RSPO4: variants seen among roughly 807,000 people sequenced by gnomAD.
RSPO4 encodes the protein R-spondin-4.
RSPO4 carries 23 observed loss-of-function variants against 24.8 expected under a neutral mutation model. The ratio of observed to expected loss-of-function variants is 0.93; its 90% CI spans 0.67 to 1.31. The LOEUF (loss-of-function observed/expected upper bound fraction) is 1.31. Ranked by LOEUF, RSPO4 falls within the 40% of genes most tolerant of loss-of-function variation. The probability of loss-of-function intolerance (pLI) is 0.00; values close to 1 mark genes in which losing one functional copy is unlikely to be tolerated. For synonymous variants in RSPO4, 141 were observed against 127.4 expected (o/e 1.11, Z -0.72); for missense variants, 333 against 316.5 (o/e 1.05, Z -0.39).
intron 1 of RSPO4, among the ~76,000 whole-genome samples, chr20:979,005 C>T (rs996505795): frequency 6.6e-6 from 1 of 151,994 alleles, no homozygotes; most frequent in African/African-American, 2.4e-5. Flanking sequence ...ACCTGCTTCT[C>T]CTGTCCATTT....
rs1984723894 is a variant in RSPO4, at chr20:981,192, A to C, written c.80-13054T>G. On this transcript the variant is annotated intron_variant, in intron 1 of 4. Transcript: ENST00000217260. This position sits in a 1 kb window ranked among gnomAD's most constrained non-coding sequence, Gnocchi z 4.6. ...CACACTGCCTTACCCTGTTGGTCTG[A>C]TGATGAACGTGGAGCGGGAAAATGG... Among the ~76,000 whole-genome samples the C allele has an allele frequency of 6.6e-6, 1 of 152,196 alleles. No individual in the cohort carries two copies. Among genetic ancestry groups the C allele is most frequent in the African/African-American group, 2.4e-5 (1 of 41,462 alleles).
Position 967,978 on chromosome 20 carries a change from G to T in RSPO4, c.240C>A (p.Ile80=), listed in dbSNP as rs1162056287. The change falls in exon 2 of 5, where the codon ATC becomes ATA. Residue 80 remains isoleucine, a synonymous_variant. Coordinates refer to ENST00000217260, the MANE Select transcript of RSPO4 (RefSeq NM_001029871.4). ...TGCACCTGTTGACCTCCTGGCCGCG[G>T]ATGCCGAAGTACCCAGGGGGACAGT... The part of the protein sequence containing the change: ...LHDCPPGYFG[I]RGQEVNRCKK... The T allele has an allele frequency of 6.2e-7, 1 of 1,614,272 alleles. No individual in the cohort carries two copies. The highest frequency in any genetic ancestry group is 1.7e-5 in the Admixed American group (1 of 60,036).
In RSPO4 at chr20:969,172, C is replaced by T. The variant is rs1200403583; in HGVS notation, c.80-1034G>A. ...CTCTACAAAAAATACAAAAATTAGC[C>T]GGGTATGGTGGCACACACCTGTAGT... is the stretch of plus-strand genomic sequence containing the variant. On this transcript the variant is annotated intron_variant, in intron 1 of 4. Coordinates refer to ENST00000217260, the MANE Select transcript of RSPO4 (RefSeq NM_001029871.4). Among the ~76,000 whole-genome samples the T allele has an allele frequency of 4.6e-5, 7 of 152,296 alleles. No homozygotes were observed. In the East Asian group the frequency reaches 5.8e-4, roughly 13 times the overall value.
chr20:963,975 A>C lies in RSPO4; in HGVS notation c.555T>G (p.Ser185=), dbSNP rs1164798381. The change falls in exon 4 of 5, where the codon TCT becomes TCG. Residue 185 remains serine, a synonymous_variant. Coordinates refer to ENST00000217260, the MANE Select transcript of RSPO4 (RefSeq NM_001029871.4). Reference sequence around the variant, plus strand: ...TCTGGATGGGACATTTCCTTGACTCAGAAAGCACCTGGCAGGTGGCTGCCT... The same window carrying C: ...TCTGGATGGGACATTTCCTTGACTCCGAAAGCACCTGGCAGGTGGCTGCCT... ...HEEAATCQVL[S]ESRKCPIQRP... is the part of the protein sequence containing the mutation. 1 of 1,614,062 alleles carries C rather than the reference A, an allele frequency of 6.2e-7. No individual in the cohort carries two copies. Among genetic ancestry groups the C allele is most frequent in the Admixed American group, 1.7e-5 (1 of 60,026 alleles).
intron 2 of RSPO4, 135 bp downstream of exon 2, chr20:967,815 A>G: frequency 1.1e-6 from 1 of 923,360 alleles, no homozygotes; most frequent in Non-Finnish European, 1.8e-6. Context: ...GCCTGGACAC[A>G]GGCAGGTATC....
At position 960,124 on chromosome 20, in the gene RSPO4, G is replaced by A; in HGVS notation, c.*233C>T. On this transcript the variant is annotated 3_prime_UTR_variant, in exon 5 of 5. Transcript: ENST00000217260. ...AAGATAAGTGAGAAAGAAGAGGAAGGAAGGGAAGGAGGGAGGGAGAAAGGA... is the reference window on the plus strand; with the variant it reads ...AAGATAAGTGAGAAAGAAGAGGAAGAAAGGGAAGGAGGGAGGGAGAAAGGA... 1.7e-6 allele frequency: 1 copy of A among 580,814 alleles called. No individual in the cohort carries two copies. Among genetic ancestry groups the A allele is most frequent in the Non-Finnish European group, 3.1e-6 (1 of 326,050 alleles). 36.0% of individuals were successfully genotyped at this position (580,814 alleles called of 1,614,324 possible).
chr20:996,789 T>G (rs1176517925), intron 1 of RSPO4, among the ~76,000 whole-genome samples: 1 of 152,158 alleles, frequency 6.6e-6, no homozygotes, highest in East Asian at 1.9e-4. Flanking sequence ...GACGGGACTC[T>G]GGCCCAATCT....
chr20:1,002,123 G>T lies in RSPO4; in HGVS notation c.42C>A (p.Ala14=), dbSNP rs6086831. The change falls in exon 1 of 5, where the codon GCC becomes GCA. Residue 14 remains alanine (A), a synonymous_variant. Coordinates refer to ENST00000217260, the MANE Select transcript of RSPO4 (RefSeq NM_001029871.4). This position sits in a 1 kb window ranked among gnomAD's most constrained non-coding sequence, Gnocchi z 4.6. ...TTCGGTTCAGGGCGAGCATGTCCAC[G>T]GCGTGGGCGACGAGCAGGAGCAGGC... is the stretch of plus-strand genomic sequence containing the variant. ...PLCLLLLVAH[A]VDMLALNRRK... 1.3e-6 allele frequency: 2 copies of T among 1,565,710 alleles called. No individual in the cohort carries two copies. Among genetic ancestry groups the T allele is most frequent in the Non-Finnish European group, 1.7e-6 (2 of 1,155,018 alleles).
intron 1 of RSPO4, among the ~76,000 whole-genome samples, chr20:974,662 T>C (rs1315829166): frequency 6.6e-6 from 1 of 152,168 alleles, no homozygotes; most frequent in Non-Finnish European, 1.5e-5. Context: ...TCAATGGATG[T>C]GTGTGGAGAT....
At position 968,012 on chromosome 20, in the gene RSPO4, C is replaced by T. The variant is rs766465255; in HGVS notation, c.206G>A (p.Cys69Tyr). 3 of 1,614,254 alleles carry T rather than the reference C, an allele frequency of 1.9e-6. No homozygotes were observed. The highest frequency in any genetic ancestry group is 1.1e-5 in the South Asian group (1 of 91,086). Residue 69 changes from cysteine to tyrosine, a missense_variant, in exon 2 of 5, where the codon TGC becomes TAC. By Grantham distance (194) the Cys-to-Tyr change is radical (BLOSUM62 -2). Transcript: ENST00000217260. ...GTACCCAGGGGGACAGTCGTGCAGGCACTTGCCGTACTGGCGGATGCCTTC... is the reference window on the plus strand; with the variant it reads ...GTACCCAGGGGGACAGTCGTGCAGGTACTTGCCGTACTGGCGGATGCCTTC... ...RREGIRQYGK[C>Y]LHDCPPGYFG...
At chr20:962,482 C>G (rs1048421558) in intron 4 of RSPO4, among the ~76,000 whole-genome samples, 3 of 152,136 alleles carry the variant, frequency 2.0e-5, no homozygotes, top group African/African-American at 4.8e-5. Context: ...CAGCCATTCA[C>G]CCCCAGCTCT....
chr20:962,671 C>T (rs988039719), intron 4 of RSPO4, among the ~76,000 whole-genome samples: 2 of 152,156 alleles, frequency 1.3e-5, no homozygotes, highest in African/African-American at 2.4e-5. Context: ...CACTCCCAAC[C>T]CAAATAGCAC....
intron 4 of RSPO4, among the ~76,000 whole-genome samples, chr20:962,552 G>C (rs1393106840): frequency 6.6e-6 from 1 of 152,186 alleles, no homozygotes; most frequent in Non-Finnish European, 1.5e-5. Context: ...CCTCCTGTGT[G>C]AGTCCTGCTC....
At chr20:960,554 C>T (rs1045352878) in intron 4 of RSPO4, 88 bp from the exon 5 acceptor site, 55 of 912,544 alleles carry the variant, frequency 6.0e-5, no homozygotes, top group Middle Eastern at 4.2e-4. Context: ...ACAAGGGTGC[C>T]CCACCCACTC....
At chr20:963,243 C>T (rs1040787404) in intron 4 of RSPO4, among the ~76,000 whole-genome samples, 2 of 152,160 alleles carry the variant, frequency 1.3e-5, no homozygotes, top group African/African-American at 4.8e-5. Flanking sequence ...CACATCGTGC[C>T]CCACCCTCAC....
At chr20:967,700 A>G (rs1198572266) in intron 2 of RSPO4, among the ~76,000 whole-genome samples, 3 of 152,242 alleles carry the variant, frequency 2.0e-5, no homozygotes, top group East Asian at 1.9e-4. Flanking sequence ...GGTGAGTTAC[A>G]TGCCTAAGGC....
chr20:1,002,254 C>G lies in RSPO4; in HGVS notation c.-90G>C, dbSNP rs1333147256. On this transcript the variant is annotated 5_prime_UTR_variant, in exon 1 of 5. Transcript: ENST00000217260. The surrounding 1 kb of genome is among the most constrained non-coding windows in gnomAD (Gnocchi z 4.6). ...GGCGGCGGCACGGCGGGCGCGGGGGCTGCTGTGGGCGCGCCGGGCGCATCC... is the reference window on the plus strand; with the variant it reads ...GGCGGCGGCACGGCGGGCGCGGGGGGTGCTGTGGGCGCGCCGGGCGCATCC... 1.3e-6 allele frequency: 1 copy of G among 771,762 alleles called. No homozygotes were observed. The highest frequency in any genetic ancestry group is 1.7e-6 in the Non-Finnish European group (1 of 594,318). 47.8% of individuals were successfully genotyped at this position (771,762 alleles called of 1,614,324 possible). A position where few individuals can be genotyped will look rare whatever the true frequency, so the allele number is the denominator to read the frequency against.
Position 968,003 on chromosome 20 carries a change from T to C in RSPO4, c.215A>G (p.Asp72Gly). 6.2e-7 allele frequency: 1 copy of C among 1,614,252 alleles called. No individual in the cohort carries two copies. The highest frequency in any genetic ancestry group is 8.5e-7 in the Non-Finnish European group (1 of 1,180,052). The change falls in exon 2 of 5, where the codon GAC (aspartate) becomes GGC (glycine). Residue 72 changes from aspartate to glycine, a missense_variant. Coordinates refer to ENST00000217260, the MANE Select transcript of RSPO4 (RefSeq NM_001029871.4). Reference sequence around the variant, plus strand: ...GATGCCGAAGTACCCAGGGGGACAGTCGTGCAGGCACTTGCCGTACTGGCG... The same window carrying C: ...GATGCCGAAGTACCCAGGGGGACAGCCGTGCAGGCACTTGCCGTACTGGCG... ...GIRQYGKCLH[D>G]CPPGYFGIRG... is the part of the protein sequence containing the mutation.
At chr20:977,967 G>A (rs965969635) in intron 1 of RSPO4, among the ~76,000 whole-genome samples, 2 of 152,296 alleles carry the variant, frequency 1.3e-5, no homozygotes, top group South Asian at 2.1e-4. Flanking sequence ...GGAGGCAGTC[G>A]CCACTGCTGG....
Sources: gnomAD v4.1 joint callset for allele counts (sites outside exome capture counted in the v4.1 genomes callset) on GRCh38, gnomAD v4.1.1 for gene constraint, Gnocchi (gnomAD v3.1) non-coding constraint, MANE v1.5 for transcripts, NCBI Gene and HGNC (gene_info 2026-07-23, HGNC 2026-07-21) for gene names.